SCN11A: variants seen among roughly 807,000 people sequenced by gnomAD.
SCN11A encodes the protein sodium channel protein type 11 subunit alpha.
In SCN11A, 122 loss-of-function variants were observed where a neutral mutation model predicts 162.2. That is an observed-to-expected ratio of 0.75 (90% CI 0.65 to 0.87). The LOEUF (loss-of-function observed/expected upper bound fraction) is 0.87. Among genes scored for constraint, SCN11A ranks in the 40% least tolerant of loss-of-function variants. The pLI, the probability that SCN11A is intolerant of heterozygous loss-of-function variation, is 0.00. For missense variants in SCN11A, 2,015 were observed against 2,181.6 expected (o/e 0.92, Z 1.52); for synonymous variants, 758 against 751.5 (o/e 1.01, Z -0.14).
intron 7 of SCN11A, among the ~76,000 whole-genome samples, chr3:38,939,100 G>A (rs547189305): frequency 6.6e-6 from 1 of 152,196 alleles, no homozygotes; most frequent in African/African-American, 2.4e-5. Flanking sequence ...CTGAATCCAG[G>A]AGGCGAAGGC....
At chr3:39,024,520 A>G (rs2031536035) in intron 2 of SCN11A, among the ~76,000 whole-genome samples, 1 of 152,232 alleles carries the variant, frequency 6.6e-6, no homozygotes, top group Non-Finnish European at 1.5e-5. Flanking sequence ...CTCCCCTGAG[A>G]CTAGCCATAC....
chr3:39,001,861 C>T (rs1382450227), intron 2 of SCN11A, among the ~76,000 whole-genome samples: 15 of 151,944 alleles, frequency 9.9e-5, no homozygotes, highest in African/African-American at 1.9e-4. Flanking sequence ...GGTGAAACCC[C>T]GTCTCTACTA....
At chr3:38,908,693 C>A (rs950248413) in intron 13 of SCN11A, among the ~76,000 whole-genome samples, 2 of 152,138 alleles carry the variant, frequency 1.3e-5, no homozygotes, top group African/African-American at 4.8e-5. Context: ...CCTGGATTTA[C>A]ATATACTTAT....
At chr3:38,922,352 A>T (rs189993110) in intron 9 of SCN11A, among the ~76,000 whole-genome samples, 1 of 152,346 alleles carries the variant, frequency 6.6e-6, no homozygotes, top group East Asian at 1.9e-4. Context: ...CCCAAGGCAG[A>T]TTTTAATCTA....
intron 28 of SCN11A, among the ~76,000 whole-genome samples, chr3:38,853,163 G>A (rs2064810352): frequency 6.6e-6 from 1 of 152,220 alleles, no homozygotes; most frequent in South Asian, 2.1e-4. Context: ...TTGTTGGGCT[G>A]TGTGCTGTGT....
At chr3:38,962,821 C>T (rs554799985) in intron 2 of SCN11A, among the ~76,000 whole-genome samples, 43 of 151,760 alleles carry the variant, frequency 2.8e-4, no homozygotes, top group African/African-American at 1.0e-3. Context: ...TCACTCAAGC[C>T]TGGGCAAAAG....
At chr3:38,849,210 G>A (rs972339852) in intron 29 of SCN11A, 1 of 140,748 alleles carries the variant, frequency 7.1e-6, no homozygotes, top group Non-Finnish European at 1.5e-5. Flanking sequence ...AGGGCTCTTT[G>A]AGTTCTTAGA....
intron 7 of SCN11A, among the ~76,000 whole-genome samples, chr3:38,939,243 A>G (rs1424577847): frequency 6.6e-6 from 1 of 152,120 alleles, no homozygotes; most frequent in Non-Finnish European, 1.5e-5. Context: ...TTAGAAAAAC[A>G]TAGAATTTAA....
At position 38,986,927 on chromosome 3, in the gene SCN11A, T is replaced by G. The variant is rs1211626147; in HGVS notation, c.-279-26504A>C. Among the ~76,000 whole-genome samples the G allele has an allele frequency of 5.3e-5, 8 of 152,206 alleles. No individual in the cohort carries two copies. In the South Asian group the frequency reaches 1.0e-3, roughly 20 times the overall value. On this transcript the variant is annotated intron_variant, in intron 2 of 29. Coordinates refer to ENST00000302328, the MANE Select transcript of SCN11A (RefSeq NM_001349253.2). ...GTGAGACCACTTTCCCCTTGACAGG[T>G]CAAGGTGGAATTCAGTCCCCTGCAT...
intron 2 of SCN11A, among the ~76,000 whole-genome samples, chr3:38,972,348 G>T (rs2066821636): frequency 6.6e-6 from 1 of 152,082 alleles, no homozygotes; most frequent in Non-Finnish European, 1.5e-5. Flanking sequence ...TTTTACCTAT[G>T]CTCTGGTCCC....
rs2065673040 is a variant in SCN11A at position 38,900,038 on chromosome 3, T to C, written c.1878A>G (p.Leu626=). 1.9e-6 allele frequency: 3 copies of C among 1,614,126 alleles called. No homozygotes were observed. The East Asian group carries it at 6.7e-5, about 36-fold the overall frequency. The change falls in exon 17 of 30, where the codon CTA becomes CTG. Residue 626 remains leucine (L), a synonymous_variant. Transcript: ENST00000302328. ...FTSIFIAEMC[L]KIIALDPYHY... ...GGTAGGGATCGAGCGCAATGATTTT[T>C]AGGCACATTTCTGCTATAAAAATGC...
intron 12 of SCN11A, among the ~76,000 whole-genome samples, chr3:38,909,579 GT>G (rs1414066367): frequency 1.0e-4 from 15 of 147,090 alleles, no homozygotes; most frequent in Admixed American, 3.4e-4. Flanking sequence ...TTTTCTTGAA[GT>G]TTCTTTTTTT....
intron 2 of SCN11A, among the ~76,000 whole-genome samples, chr3:38,988,602 G>A (rs1052002548): frequency 1.1e-4 from 16 of 152,136 alleles, no homozygotes; most frequent in Admixed American, 1.0e-3. Flanking sequence ...CCAGGATTCT[G>A]CCCAACAAAA....
At chr3:39,046,541 C>T (rs947942187) in intron 1 of SCN11A, among the ~76,000 whole-genome samples, 66 of 151,950 alleles carry the variant, frequency 4.3e-4, no homozygotes, top group Admixed American at 8.5e-4. Flanking sequence ...GAACTACAAA[C>T]GACCCCAAAT....
At chr3:38,950,439 G>A (rs2066595877) in intron 4 of SCN11A, 70 bp from the exon 5 acceptor site, 1 of 1,493,130 alleles carries the variant, frequency 6.7e-7, no homozygotes, top group Non-Finnish European at 9.2e-7. Flanking sequence ...GCCTGCCCTA[G>A]GATTCCAGTC....
chr3:38,995,799 G>GTCTATCTATCTGTCTATCTA (rs774413656), intron 2 of SCN11A, among the ~76,000 whole-genome samples: 1 of 131,380 alleles, frequency 7.6e-6, no homozygotes, highest in African/African-American at 3.0e-5. Context: ...ACAATAAATT[G>GTCTATCTATCTGTCTATCTA]TCTATCTATC....
intron 11 of SCN11A, among the ~76,000 whole-genome samples, chr3:38,918,633 G>T (rs960132417): frequency 6.6e-6 from 1 of 152,196 alleles, no homozygotes; most frequent in South Asian, 2.1e-4. Context: ...CCGGTTTCAT[G>T]GAAGACAGTT....
chr3:38,867,595 C>T (rs1015226361), intron 26 of SCN11A, 137 bp from the exon 27 acceptor site: 13 of 641,448 alleles, frequency 2.0e-5, no homozygotes, highest in Non-Finnish European at 3.4e-5. Context: ...ACAGCCATAG[C>T]CCCTGTTGGG....
chr3:38,907,540 T>C (rs1440028555), intron 14 of SCN11A, among the ~76,000 whole-genome samples: 2 of 151,872 alleles, frequency 1.3e-5, no homozygotes, highest in Admixed American at 1.3e-4. Context: ...TCCCAAATAA[T>C]CTACTTGCAT....
Sources: allele counts gnomAD v4.1 joint callset (sites outside exome capture counted in the v4.1 genomes callset), GRCh38; gene constraint gnomAD v4.1.1; transcripts MANE v1.5; gene names NCBI Gene and HGNC (gene_info 2026-07-23, HGNC 2026-07-21).